The following TCF7L1 variants were observed in gnomAD, a reference collection of about 807,000 sequenced individuals.
TCF7L1 encodes transcription factor 7 like 1.
Under a neutral mutation model 63.7 loss-of-function variants are expected in TCF7L1, and 18 were observed. The ratio of observed to expected loss-of-function variants is 0.28; its 90% confidence interval spans 0.20 to 0.42. The LOEUF (loss-of-function observed/expected upper bound fraction) is 0.42. Among genes scored for constraint, TCF7L1 ranks in the 10% least tolerant of loss-of-function variants. The pLI is 1.00. For missense variants in TCF7L1, 654 were observed against 779.3 expected (o/e 0.84, Z 1.91); for synonymous variants, 355 against 340.9 (o/e 1.04, Z -0.46).
chr2:85,241,314 A>C (rs1354436729), intron 3 of TCF7L1, among the ~76,000 whole-genome samples: 2 of 151,922 alleles, frequency 1.3e-5, no homozygotes, highest in African/African-American at 2.4e-5. Context: ...TGCCTTCTAC[A>C]TGGTGGTGCA....
chr2:85,292,881 G>A (rs977964524), intron 4 of TCF7L1, among the ~76,000 whole-genome samples: 1 of 152,222 alleles, frequency 6.6e-6, no homozygotes, highest in African/African-American at 2.4e-5. Context: ...CCCAGCCCAA[G>A]TCAACTATTT....
chr2:85,207,388 C>G (rs911782752), intron 3 of TCF7L1, among the ~76,000 whole-genome samples: 1 of 152,128 alleles, frequency 6.6e-6, no homozygotes, highest in Non-Finnish European at 1.5e-5. Context: ...ATCCCTGATT[C>G]CCTAATCATA....
intron 3 of TCF7L1, chr2:85,262,392 G>GA (rs34479100): frequency 0.15 from 44,741 of 292,590 alleles, 50 homozygotes; most frequent in South Asian, 0.28. Flanking sequence ...TCTCTTAAAA[G>GA]AAAAAAAAAA....
chr2:85,186,015 G>A (rs1471393011), intron 3 of TCF7L1, among the ~76,000 whole-genome samples: 1 of 140,726 alleles, frequency 7.1e-6, no homozygotes, highest in African/African-American at 2.7e-5. Flanking sequence ...CGCCTAGGCT[G>A]GAGTGCAGTG....
intron 3 of TCF7L1, among the ~76,000 whole-genome samples, chr2:85,216,443 C>A (rs976410014): frequency 6.6e-6 from 1 of 152,156 alleles, no homozygotes; most frequent in East Asian, 1.9e-4. Context: ...TTTTCGGAAA[C>A]GATGGATTCC....
chr2:85,172,362 A>G (rs1407354852), intron 3 of TCF7L1, among the ~76,000 whole-genome samples: 3 of 151,352 alleles, frequency 2.0e-5, no homozygotes, highest in Admixed American at 1.3e-4. Flanking sequence ...TTATTCCCAA[A>G]CTCACTTGGC....
intron 3 of TCF7L1, among the ~76,000 whole-genome samples, chr2:85,249,091 C>G (rs535789530): frequency 8.5e-5 from 13 of 152,278 alleles, no homozygotes; most frequent in African/African-American, 2.9e-4. Flanking sequence ...AGCCTAATGT[C>G]TGTTGGCAGA....
At chr2:85,191,783 T>C (rs2583548) in intron 3 of TCF7L1, among the ~76,000 whole-genome samples, 59,379 of 149,454 alleles carry the variant, frequency 0.4, 12,094 homozygotes, top group African/African-American at 0.46. Context: ...TGAGATTTTG[T>C]CACTGCACTC....
chr2:85,307,721 C>CGTCTCGGG lies in TCF7L1; in HGVS notation c.1333+6_1333+13dup. Reference sequence around the variant, plus strand: ...CAGCAAGTCCAGGAGGCAGAGGGTGCGTCTCGGGGCACTGGCCTCTTCTCC... The same window carrying CGTCTCGGG: ...CAGCAAGTCCAGGAGGCAGAGGGTGCGTCTCGGGGTCTCGGGGCACTGGCCTCTTCTCC... On this transcript the variant is annotated splice_donor_region_variant and intron_variant, in intron 11 of 11. Coordinates refer to ENST00000282111, the MANE Select transcript of TCF7L1 (RefSeq NM_031283.3). 6.2e-7 allele frequency: 1 copy of CGTCTCGGG among 1,612,638 alleles called. No homozygotes were observed. The highest frequency in any genetic ancestry group is 8.5e-7 in the Non-Finnish European group (1 of 1,179,364).
intron 3 of TCF7L1, among the ~76,000 whole-genome samples, chr2:85,252,814 C>G (rs1350376062): frequency 6.6e-6 from 1 of 152,178 alleles, no homozygotes; most frequent in Non-Finnish European, 1.5e-5. Flanking sequence ...GAGCATTAGT[C>G]CTCCCTTCTC....
chr2:85,250,442 ATT>A (rs57121264), intron 3 of TCF7L1, among the ~76,000 whole-genome samples: 1 of 148,980 alleles, frequency 6.7e-6, no homozygotes. Flanking sequence ...AAAAGTGAGA[ATT>A]TTTTTTTTTT....
chr2:85,136,060 T>G (rs1202010972), intron 3 of TCF7L1, among the ~76,000 whole-genome samples: 1 of 151,726 alleles, frequency 6.6e-6, no homozygotes, highest in Non-Finnish European at 1.5e-5. Context: ...TGGGGGAGAG[T>G]TAATGCCGCT....
chr2:85,298,809 G>A (rs1681894418), intron 4 of TCF7L1, among the ~76,000 whole-genome samples: 1 of 152,100 alleles, frequency 6.6e-6, no homozygotes, highest in African/African-American at 2.4e-5. Flanking sequence ...GGTATATGCT[G>A]TGAACATCCT....
intron 3 of TCF7L1, among the ~76,000 whole-genome samples, chr2:85,235,844 A>G (rs1231027699): frequency 6.6e-6 from 1 of 151,860 alleles, no homozygotes; most frequent in Non-Finnish European, 1.5e-5. Context: ...TAACATAGGG[A>G]AAGTCTGTCT....
At chr2:85,160,444 C>T (rs985227583) in intron 3 of TCF7L1, among the ~76,000 whole-genome samples, 5 of 152,122 alleles carry the variant, frequency 3.3e-5, no homozygotes, top group South Asian at 2.1e-4. Context: ...AGGCTGGTCT[C>T]GAACTCCTGA....
At chr2:85,244,986 G>A (rs1432755367) in intron 3 of TCF7L1, among the ~76,000 whole-genome samples, 2 of 152,156 alleles carry the variant, frequency 1.3e-5, no homozygotes, top group African/African-American at 4.8e-5. Context: ...TGCTGCTGAA[G>A]GTCGAGTGAG....
chr2:85,304,360 G>A, intron 7 of TCF7L1, 22 bp downstream of exon 7: 2 of 1,609,380 alleles, frequency 1.2e-6, no homozygotes, highest in Non-Finnish European at 1.7e-6. Context: ...GGCTGGGGCT[G>A]TCCGCATGTT....
At chr2:85,175,133 G>A (rs535315717) in intron 3 of TCF7L1, among the ~76,000 whole-genome samples, 1 of 152,310 alleles carries the variant, frequency 6.6e-6, no homozygotes, top group Non-Finnish European at 1.5e-5. Flanking sequence ...CTGGCTGAGT[G>A]TCTGGGAGTT....
At chr2:85,255,638 C>T (rs1448481153) in intron 3 of TCF7L1, among the ~76,000 whole-genome samples, 2 of 152,212 alleles carry the variant, frequency 1.3e-5, no homozygotes, top group Non-Finnish European at 2.9e-5. Flanking sequence ...CTGCCTAAGG[C>T]TGCCCTCTGC....
Sources: allele counts gnomAD v4.1 joint callset (sites outside exome capture counted in the v4.1 genomes callset), GRCh38; gene constraint gnomAD v4.1.1; transcripts MANE v1.5; gene names NCBI Gene and HGNC (gene_info 2026-07-23, HGNC 2026-07-21).